PPARGC1A: variants seen among roughly 807,000 people sequenced by gnomAD.
PPARGC1A encodes the protein peroxisome proliferator-activated receptor gamma coactivator 1-alpha.
PPARGC1A carries 25 observed loss-of-function variants against 88.7 expected under a neutral mutation model. That is an observed-to-expected ratio of 0.28 (90% CI 0.21 to 0.39). The LOEUF is 0.39. PPARGC1A is among the 10% of genes least tolerant of loss of function. PPARGC1A has a pLI of 1.00. For missense variants in PPARGC1A, 880 were observed against 968.7 expected, an observed-to-expected ratio of 0.91 and a Z score of 1.22; for synonymous variants, 363 against 355.6, an observed-to-expected ratio of 1.02 and a Z score of -0.24.
chr4:24,277,106 GT>G, the PPARGC1A span, among the ~76,000 whole-genome samples: 1 of 152,072 alleles, frequency 6.6e-6, no homozygotes, highest in African/African-American at 2.4e-5. Context: ...CTTTTTGTTT[GT>G]TTTGAGGCAG....
chr4:24,307,177 C>A, the PPARGC1A span, among the ~76,000 whole-genome samples: 1 of 152,100 alleles, frequency 6.6e-6, no homozygotes, highest in African/African-American at 2.4e-5. Context: ...AGTGGTCCTG[C>A]AATACATACC....
chr4:23,923,977 C>T, the PPARGC1A span, among the ~76,000 whole-genome samples: 1 of 152,178 alleles, frequency 6.6e-6, no homozygotes. Context: ...TCACTCTTTC[C>T]TATGGAGAGA....
chr4:24,192,288 G>A, the PPARGC1A span, among the ~76,000 whole-genome samples: 2 of 152,144 alleles, frequency 1.3e-5, no homozygotes, highest in Non-Finnish European at 2.9e-5. Flanking sequence ...TAACAGGATT[G>A]TAACAATCCC....
chr4:24,382,172 A>G, the PPARGC1A span, among the ~76,000 whole-genome samples: 1 of 5,896 alleles, frequency 1.7e-4, no homozygotes, highest in Non-Finnish European at 3.8e-4. Flanking sequence ...AACAATGGAG[A>G]AAAAAACTAC....
At chr4:24,058,762 A>T in the PPARGC1A span, among the ~76,000 whole-genome samples, 1 of 152,182 alleles carries the variant, frequency 6.6e-6, no homozygotes, top group Non-Finnish European at 1.5e-5. Context: ...CCTGGCCAAC[A>T]TGGAGAAACC....
At chr4:23,942,929 T>C in the PPARGC1A span, among the ~76,000 whole-genome samples, 2 of 152,240 alleles carry the variant, frequency 1.3e-5, no homozygotes, top group African/African-American at 4.8e-5. Context: ...AAAAGTCATG[T>C]AGACACAGTC....
At chr4:24,210,972 C>T in the PPARGC1A span, among the ~76,000 whole-genome samples, 1 of 152,158 alleles carries the variant, frequency 6.6e-6, no homozygotes, top group African/African-American at 2.4e-5. Flanking sequence ...TAATAGCTCA[C>T]CATTTTAAAG....
chr4:24,116,560 C>A, the PPARGC1A span, among the ~76,000 whole-genome samples: 3 of 152,236 alleles, frequency 2.0e-5, no homozygotes, highest in East Asian at 5.8e-4. Flanking sequence ...TTTAATAAAC[C>A]GGTTTCAGAA....
chr4:24,057,926 G>A, the PPARGC1A span, among the ~76,000 whole-genome samples: 1 of 152,240 alleles, frequency 6.6e-6, no homozygotes, highest in Non-Finnish European at 1.5e-5. Context: ...GCAGAAGGCA[G>A]GGGGAACGCA....
intron 2 of PPARGC1A, among the ~76,000 whole-genome samples, chr4:23,876,967 TAGA>T (rs1365138856): frequency 6.6e-6 from 1 of 152,150 alleles, no homozygotes; most frequent in Non-Finnish European, 1.5e-5. Flanking sequence ...TATTAGTGTT[TAGA>T]ATCTGAAACT....
At chr4:24,307,073 A>C in the PPARGC1A span, among the ~76,000 whole-genome samples, 1 of 152,236 alleles carries the variant, frequency 6.6e-6, no homozygotes, top group African/African-American at 2.4e-5. Context: ...TCCAAAATCC[A>C]GTTAATTCTT....
chr4:24,048,455 T>A, the PPARGC1A span, among the ~76,000 whole-genome samples: 2 of 152,220 alleles, frequency 1.3e-5, no homozygotes, highest in Non-Finnish European at 2.9e-5. Context: ...TTTTTGATCT[T>A]CTATGATATA....
chr4:23,867,012 T>A (rs1465807874), intron 2 of PPARGC1A, among the ~76,000 whole-genome samples: 2 of 148,722 alleles, frequency 1.3e-5, no homozygotes, highest in African/African-American at 2.4e-5. Context: ...ATCCTTTTTC[T>A]TGTCTTCCTC....
At chr4:24,412,870 C>T in the PPARGC1A span, among the ~76,000 whole-genome samples, 1 of 152,174 alleles carries the variant, frequency 6.6e-6, no homozygotes, top group Non-Finnish European at 1.5e-5. Context: ...TGAGTGGTTG[C>T]CACTAGAACA....
At chr4:23,981,555 C>T in the PPARGC1A span, among the ~76,000 whole-genome samples, 6 of 152,066 alleles carry the variant, frequency 3.9e-5, no homozygotes, top group Non-Finnish European at 8.8e-5. Context: ...ATCAGCATCA[C>T]TGACCAAAGA....
the PPARGC1A span, among the ~76,000 whole-genome samples, chr4:23,999,450 A>C: frequency 1.3e-5 from 2 of 152,118 alleles, no homozygotes; most frequent in East Asian, 3.9e-4. Flanking sequence ...TCAGCATTAG[A>C]CTCTACCTTA....
the PPARGC1A span, among the ~76,000 whole-genome samples, chr4:24,173,055 T>C: frequency 6.6e-6 from 1 of 152,148 alleles, no homozygotes; most frequent in Non-Finnish European, 1.5e-5. Context: ...AGATCATATA[T>C]GGAAGTAAAT....
chr4:24,400,486 T>A, the PPARGC1A span, among the ~76,000 whole-genome samples: 1 of 152,202 alleles, frequency 6.6e-6, no homozygotes, highest in African/African-American at 2.4e-5. Context: ...GAAAGCCAGT[T>A]GTGGGATCTT....
chr4:24,126,140 C>T, the PPARGC1A span, among the ~76,000 whole-genome samples: 1 of 152,078 alleles, frequency 6.6e-6, no homozygotes, highest in Admixed American at 6.5e-5. Flanking sequence ...GATTCAGATC[C>T]AGATCTTGCT....
Sources: allele counts gnomAD v4.1 joint callset (sites outside exome capture counted in the v4.1 genomes callset), GRCh38; gene constraint gnomAD v4.1.1; transcripts MANE v1.5; gene names NCBI Gene and HGNC (gene_info 2026-07-23, HGNC 2026-07-21).